The following TACR3 variants were observed in gnomAD, a reference collection of about 807,000 sequenced individuals.
The protein encoded by TACR3 is neuromedin-K receptor.
TACR3 carries 34 observed loss-of-function variants against 35.0 expected under a neutral mutation model. That is an observed-to-expected ratio of 0.97 (90% CI 0.74 to 1.30). The LOEUF (loss-of-function observed/expected upper bound fraction) is 1.30. TACR3 is among the 50% of genes most tolerant of loss of function. The pLI, the probability that TACR3 is intolerant of heterozygous loss-of-function variation, is 0.00. For synonymous variants in TACR3, 233 were observed against 221.1 expected (o/e 1.05, Z -0.48); for missense variants, 558 against 591.7 (o/e 0.94, Z 0.59).
intron 3 of TACR3, among the ~76,000 whole-genome samples, chr4:103,643,675 A>G (rs1725402921): frequency 6.6e-6 from 1 of 151,816 alleles, no homozygotes; most frequent in Non-Finnish European, 1.5e-5. Context: ...GTACAACGAT[A>G]TATGTCAAAG....
intron 1 of TACR3, among the ~76,000 whole-genome samples, chr4:103,678,372 G>T (rs1451533792): frequency 1.3e-5 from 2 of 152,114 alleles, no homozygotes; most frequent in Admixed American, 6.6e-5. Context: ...TATGTAAGTT[G>T]TGAAGATGGA....
At chr4:103,698,210 A>T (rs1418623863) in intron 1 of TACR3, among the ~76,000 whole-genome samples, 1 of 152,112 alleles carries the variant, frequency 6.6e-6, no homozygotes, top group South Asian at 2.1e-4. Flanking sequence ...ATGGGAAAAA[A>T]AAACTTTTAC....
chr4:103,672,126 G>A (rs1253513348), intron 1 of TACR3, among the ~76,000 whole-genome samples: 3 of 152,082 alleles, frequency 2.0e-5, no homozygotes, highest in Admixed American at 2.0e-4. Context: ...TTGATTATGA[G>A]ATTGCAGCAA....
chr4:103,591,779 A>T lies in TACR3; in HGVS notation c.889-96T>A. ...TGCTTTTCTGCCAATACAGTTAAATACACATCATGCCTAGGGAATAGTCAA... is the reference window on the plus strand; with the variant it reads ...TGCTTTTCTGCCAATACAGTTAAATTCACATCATGCCTAGGGAATAGTCAA... On this transcript the variant is annotated intron_variant, in intron 3 of 4. Transcript: ENST00000304883. 26 of 1,160,288 alleles carry T rather than the reference A, an allele frequency of 2.2e-5. No individual in the cohort carries two copies. In the South Asian group the frequency reaches 3.4e-4, roughly 15 times the overall value. The allele number at this position is 1,160,288 out of a possible 1,614,324, so 71.9% of individuals were successfully genotyped here. A position where few individuals can be genotyped will look rare whatever the true frequency, so the allele number is the denominator to read the frequency against.
intron 3 of TACR3, among the ~76,000 whole-genome samples, chr4:103,604,823 C>CT (rs143724246): frequency 0.05 from 7,194 of 145,104 alleles, 584 homozygotes; most frequent in African/African-American, 0.18. Flanking sequence ...GATAATAATT[C>CT]TTTTTTTTTT....
Position 103,591,569 on chromosome 4 carries a change from G to A in TACR3, c.1003C>T (p.Gln335Ter), listed in dbSNP as rs1236264934. 25 of 1,613,778 alleles carry A rather than the reference G, an allele frequency of 1.5e-5. No homozygotes were observed. Among genetic ancestry groups the A allele is most frequent in the Non-Finnish European group, 2.0e-5 (24 of 1,179,868 alleles). Reference protein sequence around the residue: ...YQQLNRWKYIQQVYLASFWLA... With the variant: ...YQQLNRWKYI ...CAAAAGCTAGCCAGGTAGACCTGCTGGATGTATTTCCATCTATTTAGTTGT... is the reference window on the plus strand; with the variant it reads ...CAAAAGCTAGCCAGGTAGACCTGCTAGATGTATTTCCATCTATTTAGTTGT... The change falls in exon 4 of 5, where the codon CAG becomes TAG. Residue 335 changes from glutamine to a stop codon, truncating the protein, a stop_gained. Transcript: ENST00000304883. LOFTEE classifies it high-confidence loss of function.
rs557800158 is a variant in TACR3, at chr4:103,587,028, T to A, written c.*2654A>T. 6.6e-6 allele frequency: 1 copy of A among 152,206 alleles called. No homozygotes were observed. Among genetic ancestry groups the A allele is most frequent in the South Asian group, 2.1e-4 (1 of 4,822 alleles). 9.4% of individuals were successfully genotyped at this position (152,206 alleles called of 1,614,324 possible). On this transcript the variant is annotated 3_prime_UTR_variant, in exon 5 of 5. Transcript: ENST00000304883. ...TGTTTTAACCATCTGCCTAGTAGTC[T>A]GAGCCAGTGTTTGCCTTCAAACAAT...
At chr4:103,686,342 G>A (rs187348958) in intron 1 of TACR3, among the ~76,000 whole-genome samples, 7 of 152,194 alleles carry the variant, frequency 4.6e-5, no homozygotes, top group East Asian at 1.9e-4. Flanking sequence ...AATCACAACC[G>A]CTGACCAGTT....
At chr4:103,611,485 C>CA (rs1263423077) in intron 3 of TACR3, among the ~76,000 whole-genome samples, 1 of 152,136 alleles carries the variant, frequency 6.6e-6, no homozygotes, top group African/African-American at 2.4e-5. Context: ...AAGGTACACA[C>CA]AGTTGCCTCC....
At chr4:103,597,870 G>A (rs1724076012) in intron 3 of TACR3, among the ~76,000 whole-genome samples, 2 of 152,130 alleles carry the variant, frequency 1.3e-5, no homozygotes, top group South Asian at 4.1e-4. Context: ...CATTTAAGTT[G>A]GTTCCAAGTC....
At chr4:103,711,727 T>A (rs143188031) in intron 1 of TACR3, among the ~76,000 whole-genome samples, 6 of 152,172 alleles carry the variant, frequency 3.9e-5, no homozygotes, top group Admixed American at 6.5e-5. Context: ...GATGACATGA[T>A]TGTATATCTA....
chr4:103,601,004 T>C (rs11728272), intron 3 of TACR3, among the ~76,000 whole-genome samples: 132,742 of 151,812 alleles, frequency 0.87, 58,455 homozygotes, highest in East Asian at 1. Flanking sequence ...AGTTCAATTC[T>C]TGGGTATCTT....
At chr4:103,596,565 A>C (rs1003825045) in intron 3 of TACR3, among the ~76,000 whole-genome samples, 2 of 152,168 alleles carry the variant, frequency 1.3e-5, no homozygotes, top group Non-Finnish European at 2.9e-5. Context: ...AAAACAAAAC[A>C]AAACAAAACT....
intron 3 of TACR3, among the ~76,000 whole-genome samples, chr4:103,597,287 T>C (rs1173708754): frequency 1.3e-5 from 2 of 152,036 alleles, no homozygotes; most frequent in African/African-American, 4.8e-5. Flanking sequence ...TTTTAAAGAT[T>C]GCCATTCTAA....
chr4:103,651,642 T>G (rs1266202205), intron 3 of TACR3, among the ~76,000 whole-genome samples: 1 of 151,778 alleles, frequency 6.6e-6, no homozygotes, highest in Non-Finnish European at 1.5e-5. Context: ...TTCCCTTAGC[T>G]TTTCTCAAGC....
At chr4:103,714,431 C>T (rs893081647) in intron 1 of TACR3, among the ~76,000 whole-genome samples, 3 of 152,016 alleles carry the variant, frequency 2.0e-5, no homozygotes, top group African/African-American at 7.2e-5. Context: ...CTCACTAGAG[C>T]AGTAATTTTA....
At chr4:103,629,889 AC>A (rs1725019834) in intron 3 of TACR3, among the ~76,000 whole-genome samples, 1 of 123,146 alleles carries the variant, frequency 8.1e-6, no homozygotes, top group African/African-American at 3.1e-5. Flanking sequence ...AACAACAACA[AC>A]AACAAAAAAA....
intron 1 of TACR3, among the ~76,000 whole-genome samples, chr4:103,667,925 C>A (rs1725967155): frequency 6.6e-6 from 1 of 152,102 alleles, no homozygotes; most frequent in South Asian, 2.1e-4. Context: ...GCCTCCTGGG[C>A]TCAAGTGATC....
At chr4:103,709,455 C>T (rs1722885155) in intron 1 of TACR3, among the ~76,000 whole-genome samples, 1 of 152,130 alleles carries the variant, frequency 6.6e-6, no homozygotes, top group South Asian at 2.1e-4. Flanking sequence ...CAAGCAAATG[C>T]TGAGAGATTT....
Sources: gnomAD v4.1 joint callset for allele counts (sites outside exome capture counted in the v4.1 genomes callset) on GRCh38, gnomAD v4.1.1 for gene constraint, MANE v1.5 for transcripts, NCBI Gene and HGNC (gene_info 2026-07-23, HGNC 2026-07-21) for gene names.